EPS15: variants seen among roughly 807,000 people sequenced by gnomAD.
The protein encoded by EPS15 is epidermal growth factor receptor pathway substrate 15, also known as epidermal growth factor receptor substrate 15.
A neutral mutation model predicts 113.8 loss-of-function variants in EPS15; 72 were observed. The ratio of observed to expected loss-of-function variants is 0.63; its 90% confidence interval spans 0.52 to 0.77. The LOEUF (loss-of-function observed/expected upper bound fraction) is 0.77. EPS15 is among the 30% of genes least tolerant of loss of function. The pLI is 0.00. For missense variants in EPS15, 1,048 were observed against 1,045.8 expected, an observed-to-expected ratio of 1.00 and a Z score of -0.03; for synonymous variants, 344 against 363.4, an observed-to-expected ratio of 0.95 and a Z score of 0.61.
intron 12 of EPS15, among the ~76,000 whole-genome samples, chr1:51,425,074 T>C (rs997456510): frequency 1.3e-5 from 2 of 152,184 alleles, no homozygotes; most frequent in African/African-American, 4.8e-5. Flanking sequence ...CAGGTTTTCA[T>C]TTTTAAGATG....
intron 12 of EPS15, among the ~76,000 whole-genome samples, chr1:51,432,988 A>G (rs1651854806): frequency 6.6e-6 from 1 of 152,232 alleles, no homozygotes; most frequent in Non-Finnish European, 1.5e-5. Context: ...CAGATTTGAT[A>G]ATATAAGCAA....
At chr1:51,509,452 T>G (rs1291903908) in intron 1 of EPS15, among the ~76,000 whole-genome samples, 1 of 152,188 alleles carries the variant, frequency 6.6e-6, no homozygotes, top group Non-Finnish European at 1.5e-5. Flanking sequence ...ATCTCTCTCA[T>G]TATTTTATGC....
chr1:51,510,316 G>C (rs969394072), intron 1 of EPS15, among the ~76,000 whole-genome samples: 2 of 152,108 alleles, frequency 1.3e-5, no homozygotes, highest in Admixed American at 6.5e-5. Context: ...AATGACTATA[G>C]GAAGCAGCAT....
At position 51,356,395 on chromosome 1, in the gene EPS15, C is replaced by G. The variant is rs924239837; in HGVS notation, c.*305G>C. On this transcript the variant is annotated 3_prime_UTR_variant, in exon 25 of 25. Coordinates refer to ENST00000371733, the MANE Select transcript of EPS15 (RefSeq NM_001981.3). ...TTCTCTATATTCCAGAAGGCAGAAG[C>G]TTGGGTGCTCTAGCTTTACAAGTAA... 7.9e-5 allele frequency: 24 copies of G among 303,118 alleles called. No individual in the cohort carries two copies. Among genetic ancestry groups the G allele is most frequent in the African/African-American group, 5.0e-4 (23 of 46,374 alleles). The allele number at this position is 303,118 out of a possible 1,614,324, so 18.8% of individuals were successfully genotyped here. A position where few individuals can be genotyped will look rare whatever the true frequency, so the allele number is the denominator to read the frequency against.
At chr1:51,371,844 C>T (rs979515987) in intron 21 of EPS15, among the ~76,000 whole-genome samples, 2 of 152,138 alleles carry the variant, frequency 1.3e-5, no homozygotes, top group African/African-American at 2.4e-5. Context: ...CCGCAAGCTC[C>T]GTTCATGGTT....
At chr1:51,424,410 T>G (rs1651030483) in intron 12 of EPS15, among the ~76,000 whole-genome samples, 2 of 152,232 alleles carry the variant, frequency 1.3e-5, no homozygotes, top group Non-Finnish European at 1.5e-5. Context: ...ATTTCTTATA[T>G]TCTCCCTAAT....
chr1:51,495,694 AC>A (rs1644313570), intron 1 of EPS15, among the ~76,000 whole-genome samples: 1 of 151,940 alleles, frequency 6.6e-6, no homozygotes, highest in Admixed American at 6.6e-5. Flanking sequence ...CAAAAAAAAA[AC>A]CTCTCCTTAA....
At chr1:51,460,842 T>C (rs1654382074) in intron 8 of EPS15, 1 of 352,734 alleles carries the variant, frequency 2.8e-6, no homozygotes, top group Non-Finnish European at 5.2e-6. Context: ...CAATCCCAGA[T>C]ACTTGGGAGG....
At chr1:51,501,449 G>A (rs1644412519) in intron 1 of EPS15, among the ~76,000 whole-genome samples, 1 of 152,030 alleles carries the variant, frequency 6.6e-6, no homozygotes, top group Non-Finnish European at 1.5e-5. Context: ...CTCATTGGTA[G>A]TATTATTAGT....
At chr1:51,474,489 G>C (rs2148514606) in intron 2 of EPS15, among the ~76,000 whole-genome samples, 1 of 152,264 alleles carries the variant, frequency 6.6e-6, no homozygotes, top group Middle Eastern at 3.4e-3. Context: ...TCTAATCCGA[G>C]ATTCAGCTGA....
At chr1:51,369,562 A>T (rs35981450) in intron 21 of EPS15, among the ~76,000 whole-genome samples, 2 of 152,180 alleles carry the variant, frequency 1.3e-5, no homozygotes, top group Non-Finnish European at 2.9e-5. Flanking sequence ...TTTAAAAATC[A>T]TCCCTAAATC....
chr1:51,480,321 T>C (rs1643997072), intron 2 of EPS15, among the ~76,000 whole-genome samples: 1 of 152,232 alleles, frequency 6.6e-6, no homozygotes, highest in African/African-American at 2.4e-5. Context: ...TGTCTACACC[T>C]TCAAGAAATT....
At chr1:51,410,533 GTTAT>G (rs1649610458) in intron 13 of EPS15, among the ~76,000 whole-genome samples, 1 of 150,336 alleles carries the variant, frequency 6.7e-6, no homozygotes, top group Non-Finnish European at 1.5e-5. Context: ...TTTTGAAAAT[GTTAT>G]TTATTCATCC....
At chr1:51,403,291 C>A in intron 17 of EPS15, 128 bp downstream of exon 17, 1 of 457,574 alleles carries the variant, frequency 2.2e-6, no homozygotes. Flanking sequence ...AAGGTGAAGT[C>A]GGGGCTTTTG....
In EPS15 at chr1:51,438,883, G is replaced by A. The variant is rs576787339; in HGVS notation, c.1040+1464C>T. ...CTTTGGATTTGATTTTTTTTTTTCC[G>A]TGAGTAAGGACAAAATTAAACTATA... On this transcript the variant is annotated intron_variant, in intron 12 of 24. Transcript: ENST00000371733. 1.6e-3 allele frequency among the ~76,000 whole-genome samples: 236 copies of A among 150,450 alleles called. 3 individuals carry two copies. In the South Asian group the frequency reaches 0.016, roughly 10 times the overall value.
At chr1:51,476,169 T>C (rs1643897200) in intron 2 of EPS15, among the ~76,000 whole-genome samples, 1 of 152,210 alleles carries the variant, frequency 6.6e-6, no homozygotes, top group Non-Finnish European at 1.5e-5. Flanking sequence ...TGTGGGCTCA[T>C]TTTTGAGCCA....
chr1:51,377,931 T>C (rs1646841750), intron 21 of EPS15, among the ~76,000 whole-genome samples: 1 of 151,566 alleles, frequency 6.6e-6, no homozygotes, highest in African/African-American at 2.4e-5. Flanking sequence ...GTTTCACTCT[T>C]GTTGCCCAGG....
intron 21 of EPS15, among the ~76,000 whole-genome samples, chr1:51,374,992 ACTT>A (rs1460358195): frequency 2.2e-4 from 29 of 133,636 alleles, no homozygotes; most frequent in African/African-American, 7.8e-4. Context: ...TATTTAATAT[ACTT>A]CTTTTTTTTT....
chr1:51,421,585 C>G (rs562496919), intron 13 of EPS15, among the ~76,000 whole-genome samples: 1 of 152,210 alleles, frequency 6.6e-6, no homozygotes, highest in South Asian at 2.1e-4. Flanking sequence ...AAAAATACTG[C>G]TTTCTCATTG....
Sources: gnomAD v4.1 joint callset for allele counts (sites outside exome capture counted in the v4.1 genomes callset) on GRCh38, gnomAD v4.1.1 for gene constraint, MANE v1.5 for transcripts, NCBI Gene and HGNC (gene_info 2026-07-23, HGNC 2026-07-21) for gene names.